Variants in ESYT2 observed in about 807,000 individuals in gnomAD.
The protein encoded by ESYT2 is extended synaptotagmin 2, also known as extended synaptotagmin-2.
Under a neutral mutation model 107.2 loss-of-function variants are expected in ESYT2, and 54 were observed. That is an observed-to-expected ratio of 0.50 (90% CI 0.40 to 0.63). The LOEUF is 0.63. Ranked by LOEUF, ESYT2 falls within the 30% of genes least tolerant of loss-of-function variation. The pLI is 0.00. For synonymous variants in ESYT2, 491 were observed against 434.1 expected (o/e 1.13, Z -1.63); for missense variants, 1,020 against 1,094.5 (o/e 0.93, Z 0.96).
chr7:158,821,156 T>C lies in ESYT2; in HGVS notation c.330+7933A>G, dbSNP rs187476237. Among the ~76,000 whole-genome samples the C allele has an allele frequency of 6.3e-3, 960 of 152,324 alleles. 6 individuals are homozygous for C. Among genetic ancestry groups the C allele is most frequent in the Non-Finnish European group, 0.011 (717 of 68,018 alleles). ...AAATTAGTGACAGGAAGAAAGACTC[T>C]GGAAAAACCTCCATAAATAAAACAT... On this transcript the variant is annotated intron_variant, in intron 1 of 22. Coordinates refer to ENST00000275418, the MANE Select transcript of ESYT2 (RefSeq NM_001367773.1).
chr7:158,829,176 G>T lies in ESYT2; in HGVS notation c.243C>A (p.Ala81=). ...GCGCCAGCGCGCGGCACAGGCGCAG[G>T]GCCTTGAGGCCGCGGCTGCGGCGAC... ...AWCRRSRGLK[A]LRLCRALALL... Residue 81 remains alanine, a synonymous_variant, in exon 1 of 23, where the codon GCC becomes GCA. Coordinates refer to ENST00000275418, the MANE Select transcript of ESYT2 (RefSeq NM_001367773.1). The T allele has an allele frequency of 1.3e-6, 2 of 1,541,726 alleles. No homozygotes were observed. The highest frequency in any genetic ancestry group is 1.7e-6 in the Non-Finnish European group (2 of 1,152,538).
chr7:158,792,832 G>C (rs1405145177), intron 4 of ESYT2, among the ~76,000 whole-genome samples: 2 of 134,818 alleles, frequency 1.5e-5, no homozygotes, highest in Non-Finnish European at 3.1e-5. Flanking sequence ...GCAGTGGCAT[G>C]ATCTCGGCTC....
chr7:158,786,279 G>A (rs535521770), intron 6 of ESYT2, among the ~76,000 whole-genome samples: 12 of 152,258 alleles, frequency 7.9e-5, no homozygotes, highest in African/African-American at 2.6e-4. Flanking sequence ...TTTTAAAAAG[G>A]TCTTTCTCTA....
intron 13 of ESYT2, among the ~76,000 whole-genome samples, chr7:158,758,858 T>C (rs1375485734): frequency 6.6e-6 from 1 of 152,240 alleles, no homozygotes; most frequent in African/African-American, 2.4e-5. Flanking sequence ...TTACGGTTAT[T>C]ACCTATAAAA....
chr7:158,781,481 TG>T (rs1246202166), intron 6 of ESYT2, among the ~76,000 whole-genome samples: 1 of 149,160 alleles, frequency 6.7e-6, no homozygotes, highest in Non-Finnish European at 1.5e-5. Context: ...GAGGTGTGAG[TG>T]TGAAACAAGT....
At chr7:158,737,250 T>G in intron 19 of ESYT2, 71 bp from the exon 20 acceptor site, 1 of 1,532,356 alleles carries the variant, frequency 6.5e-7, no homozygotes, top group Non-Finnish European at 8.9e-7. Flanking sequence ...CATTCAGATA[T>G]GCTTTATCAA....
intron 8 of ESYT2, among the ~76,000 whole-genome samples, chr7:158,766,294 T>C (rs1292928928): frequency 6.6e-6 from 1 of 152,196 alleles, no homozygotes; most frequent in East Asian, 1.9e-4. Context: ...ATGTCTAAAG[T>C]TGAGATAATC....
intron 16 of ESYT2, 39 bp from the exon 17 acceptor site, chr7:158,743,717 T>A: frequency 4.4e-6 from 7 of 1,584,086 alleles, no homozygotes; most frequent in Admixed American, 1.8e-5. Flanking sequence ...ATAACTAGGA[T>A]CATGTCTGCA....
In ESYT2 at chr7:158,829,447, G is replaced by A. The variant is rs1840567218; in HGVS notation, c.-29C>T. On this transcript the variant is annotated 5_prime_UTR_variant, in exon 1 of 23. Transcript: ENST00000275418. ...CCCGCAGTGCCGCGCTGCCCTCCCG[G>A]CCGAGGCGGGCTGGGTGCTCGCGCT... The A allele has an allele frequency of 8.4e-7, 1 of 1,190,990 alleles. No individual in the cohort carries two copies. The highest frequency in any genetic ancestry group is 3.7e-5 in the East Asian group (1 of 26,802). 73.8% of individuals were successfully genotyped at this position (1,190,990 alleles called of 1,614,324 possible).
chr7:158,740,337 A>G (rs962764463), intron 18 of ESYT2, among the ~76,000 whole-genome samples: 2 of 152,238 alleles, frequency 1.3e-5, no homozygotes, highest in African/African-American at 4.8e-5. Context: ...CCCTATAAGG[A>G]TAAGGAATAG....
At chr7:158,773,215 T>C (rs1838436351) in intron 7 of ESYT2, 126 bp downstream of exon 7, 5 of 1,013,094 alleles carry the variant, frequency 4.9e-6, no homozygotes, top group Middle Eastern at 4.4e-4. Context: ...CACGACAGCC[T>C]GTGGAGAAGG....
At chr7:158,783,044 G>A (rs1251152371) in intron 6 of ESYT2, among the ~76,000 whole-genome samples, 2 of 152,144 alleles carry the variant, frequency 1.3e-5, no homozygotes, top group African/African-American at 4.8e-5. Context: ...ATGGACACGT[G>A]CCTCAGGATG....
chr7:158,779,481 G>A (rs972280424), intron 6 of ESYT2, among the ~76,000 whole-genome samples: 26 of 152,172 alleles, frequency 1.7e-4, no homozygotes, highest in Non-Finnish European at 5.9e-5. Context: ...GTTAGTCCTA[G>A]AACTGAGAAA....
chr7:158,754,172 G>A (rs1837675907), intron 13 of ESYT2, among the ~76,000 whole-genome samples: 1 of 151,920 alleles, frequency 6.6e-6, no homozygotes, highest in Non-Finnish European at 1.5e-5. Context: ...AGGAAGCAGT[G>A]GGAGCCACCT....
rs532136882 is a variant in ESYT2, at chr7:158,757,756, T to A, written c.1419+1730A>T. Among the ~76,000 whole-genome samples the A allele has an allele frequency of 6.0e-3, 462 of 76,478 alleles. 1 individual carries two copies. Among genetic ancestry groups the A allele is most frequent in the African/African-American group, 0.015 (438 of 29,940 alleles). 50.2% of individuals were successfully genotyped at this position (76,478 alleles called of 152,430 possible). A position where few individuals can be genotyped will look rare whatever the true frequency, so the allele number is the denominator to read the frequency against. ...GAAGATCAATACAGTCTCTCTGGGT[T>A]TTTTTTTTTTTGTTTTTTGTTTTTT... is the stretch of plus-strand genomic sequence containing the variant. On this transcript the variant is annotated intron_variant, in intron 13 of 22. Coordinates refer to ENST00000275418, the MANE Select transcript of ESYT2 (RefSeq NM_001367773.1).
At chr7:158,743,890 T>C (rs936954206) in intron 16 of ESYT2, 2 of 466,778 alleles carry the variant, frequency 4.3e-6, no homozygotes, top group South Asian at 2.8e-5. Flanking sequence ...CTGGCCAACA[T>C]GGTGAAACCT....
chr7:158,737,934 C>T (rs1837026536), intron 19 of ESYT2, among the ~76,000 whole-genome samples: 1 of 152,180 alleles, frequency 6.6e-6, no homozygotes, highest in African/African-American at 2.4e-5. Context: ...AGTCACCTGA[C>T]TTTATACTTA....
At chr7:158,761,918 T>A (rs927443298) in intron 10 of ESYT2, among the ~76,000 whole-genome samples, 1 of 152,144 alleles carries the variant, frequency 6.6e-6, no homozygotes, top group African/African-American at 2.4e-5. Context: ...ATTTTACACG[T>A]CCTCTTGGAA....
chr7:158,741,363 C>T (rs753484233), intron 18 of ESYT2, among the ~76,000 whole-genome samples, 160 bp downstream of exon 18: 1 of 152,176 alleles, frequency 6.6e-6, no homozygotes, highest in African/African-American at 2.4e-5. Context: ...GTGAGCAAAA[C>T]GGCAACACAA....
Sources: gnomAD v4.1 joint callset for allele counts (sites outside exome capture counted in the v4.1 genomes callset) on GRCh38, gnomAD v4.1.1 for gene constraint, MANE v1.5 for transcripts, NCBI Gene and HGNC (gene_info 2026-07-23, HGNC 2026-07-21) for gene names.